TENM3: variants seen among roughly 807,000 people sequenced by gnomAD.
The protein encoded by TENM3 is teneurin transmembrane protein 3, also known as teneurin-3.
A neutral mutation model predicts 255.1 loss-of-function variants in TENM3; 63 were observed. The ratio of observed to expected loss-of-function variants is 0.25; its 90% CI spans 0.20 to 0.30. The LOEUF (loss-of-function observed/expected upper bound fraction) is 0.30, where lower values mean the gene tolerates loss of function less well. TENM3 is among the 10% of genes least tolerant of loss of function. TENM3 has a pLI of 1.00. For synonymous variants in TENM3, 1,306 were observed against 1,322.3 expected (o/e 0.99, Z 0.27); for missense variants, 2,929 against 3,461.1 (o/e 0.85, Z 3.86).
the TENM3 span, among the ~76,000 whole-genome samples, chr4:181,941,313 T>TG: frequency 7.5e-6 from 1 of 133,456 alleles, no homozygotes; most frequent in African/African-American, 2.5e-5. Flanking sequence ...TGTTTGATGT[T>TG]TTTTTTTTTT....
the TENM3 span, among the ~76,000 whole-genome samples, chr4:182,074,884 G>A: frequency 6.6e-6 from 1 of 152,168 alleles, no homozygotes; most frequent in Admixed American, 6.5e-5. Context: ...AATAGTCAGT[G>A]GCTAAGAGAT....
chr4:182,634,872 G>A (rs918792821), intron 5 of TENM3, among the ~76,000 whole-genome samples: 1 of 152,140 alleles, frequency 6.6e-6, no homozygotes, highest in Non-Finnish European at 1.5e-5. Context: ...CTGGGTAGAA[G>A]ATAACCTGAA....
chr4:182,675,561 C>T (rs1489542079), intron 7 of TENM3, among the ~76,000 whole-genome samples: 1 of 150,982 alleles, frequency 6.6e-6, no homozygotes, highest in African/African-American at 2.4e-5. Context: ...AAAAAAAAAG[C>T]AGATTTTCTT....
chr4:182,109,177 A>G, the TENM3 span, among the ~76,000 whole-genome samples: 3 of 148,440 alleles, frequency 2.0e-5, no homozygotes, highest in East Asian at 5.9e-4. Context: ...ATATATTTAT[A>G]TTTTATATAC....
At chr4:182,266,876 T>C (rs770141043) in intron 1 of TENM3, among the ~76,000 whole-genome samples, 5 of 152,236 alleles carry the variant, frequency 3.3e-5, no homozygotes, top group Non-Finnish European at 5.9e-5. Context: ...TTATCAATTG[T>C]GGCTTTAATA....
chr4:181,553,266 TG>T, the TENM3 span, among the ~76,000 whole-genome samples: 4 of 106,808 alleles, frequency 3.7e-5, no homozygotes, highest in Non-Finnish European at 8.3e-5. Flanking sequence ...ATTAAGTGTG[TG>T]TGTGTGTGTG....
intron 5 of TENM3, among the ~76,000 whole-genome samples, chr4:182,644,120 G>A (rs1752543969): frequency 6.6e-6 from 1 of 152,146 alleles, no homozygotes; most frequent in Non-Finnish European, 1.5e-5. Context: ...GTGACTGATG[G>A]CTGGGTGCTC....
At chr4:182,724,924 A>G (rs1429115731) in intron 13 of TENM3, among the ~76,000 whole-genome samples, 3 of 152,230 alleles carry the variant, frequency 2.0e-5, no homozygotes. Context: ...TTCGAAATCC[A>G]TCAAGTAAGA....
intron 3 of TENM3, among the ~76,000 whole-genome samples, chr4:182,419,166 C>T (rs1317394220): frequency 2.6e-5 from 4 of 152,116 alleles, no homozygotes; most frequent in African/African-American, 9.7e-5. Context: ...ATGTGTTACC[C>T]ATGATCTTAT....
chr4:182,411,974 T>TCC (rs1770019387), intron 3 of TENM3, among the ~76,000 whole-genome samples: 1 of 152,002 alleles, frequency 6.6e-6, no homozygotes, highest in Admixed American at 6.6e-5. Flanking sequence ...GGACTCTGGG[T>TCC]AGAGAAACAG....
intron 1 of TENM3, among the ~76,000 whole-genome samples, chr4:182,293,153 T>C (rs1761231733): frequency 6.6e-6 from 1 of 152,182 alleles, no homozygotes; most frequent in Non-Finnish European, 1.5e-5. Context: ...ACCGAAGCCA[T>C]TAAAAGTTAA....
intron 3 of TENM3, among the ~76,000 whole-genome samples, chr4:182,460,569 AGG>A (rs1774253746): frequency 6.6e-6 from 1 of 152,148 alleles, no homozygotes; most frequent in African/African-American, 2.4e-5. Flanking sequence ...GAGACAAGAG[AGG>A]GGTGATAGTG....
chr4:182,567,898 G>T (rs1743958540), intron 3 of TENM3, among the ~76,000 whole-genome samples: 1 of 149,782 alleles, frequency 6.7e-6, no homozygotes, highest in Non-Finnish European at 1.5e-5. Context: ...GGTAACTCAT[G>T]CCTAGAACAG....
At chr4:182,766,462 C>CTAA (rs1310049429) in intron 22 of TENM3, among the ~76,000 whole-genome samples, 2 of 152,112 alleles carry the variant, frequency 1.3e-5, no homozygotes, top group Admixed American at 6.5e-5. Context: ...CCTAAGGGAA[C>CTAA]TAATTCTGGA....
At chr4:181,467,101 G>GTATATATA in the TENM3 span, among the ~76,000 whole-genome samples, 2 of 71,246 alleles carry the variant, frequency 2.8e-5, no homozygotes, top group African/African-American at 1.6e-4. Context: ...GTGTGTGTGT[G>GTATATATA]TGTATATATA....
intron 1 of TENM3, among the ~76,000 whole-genome samples, chr4:182,178,298 C>T (rs1466602807): frequency 6.6e-6 from 1 of 152,078 alleles, no homozygotes; most frequent in Admixed American, 6.5e-5. Context: ...TTTCTACTGC[C>T]TCACCAAAAA....
the TENM3 span, among the ~76,000 whole-genome samples, chr4:181,731,134 A>G: frequency 2.6e-5 from 4 of 152,158 alleles, no homozygotes; most frequent in African/African-American, 9.7e-5. Flanking sequence ...CCACTTCGTA[A>G]TAGGGGCAAA....
the TENM3 span, among the ~76,000 whole-genome samples, chr4:181,543,482 C>A: frequency 6.6e-6 from 1 of 152,164 alleles, no homozygotes; most frequent in Non-Finnish European, 1.5e-5. Context: ...ATTTCTCAGT[C>A]CAAAGCTCTG....
intron 1 of TENM3, among the ~76,000 whole-genome samples, chr4:182,204,907 C>CT (rs1754448291): frequency 6.6e-6 from 1 of 152,206 alleles, no homozygotes; most frequent in African/African-American, 2.4e-5. Context: ...AGTAACTTCA[C>CT]ATAAGATATT....
Sources: allele counts gnomAD v4.1 joint callset (sites outside exome capture counted in the v4.1 genomes callset), GRCh38; gene constraint gnomAD v4.1.1; transcripts MANE v1.5; gene names NCBI Gene and HGNC (gene_info 2026-07-23, HGNC 2026-07-21).